The following PDLIM5 variants were observed in gnomAD, a reference collection of about 807,000 sequenced individuals.
The protein encoded by PDLIM5 is PDZ and LIM domain 5.
PDLIM5 carries 34 observed loss-of-function variants against 64.2 expected under a neutral mutation model. That is an observed-to-expected ratio of 0.53 (90% CI 0.40 to 0.71). The LOEUF (loss-of-function observed/expected upper bound fraction) is 0.71, where lower values mean the gene tolerates loss of function less well. Ranked by LOEUF, PDLIM5 falls within the 30% of genes least tolerant of loss-of-function variation. The probability of loss-of-function intolerance (pLI) is 0.00; values close to 1 mark genes in which losing one functional copy is unlikely to be tolerated. For synonymous variants in PDLIM5, 253 were observed against 269.1 expected (o/e 0.94, Z 0.59); for missense variants, 683 against 733.6 (o/e 0.93, Z 0.80).
intron 3 of PDLIM5, among the ~76,000 whole-genome samples, chr4:94,529,168 C>G (rs939192241): frequency 6.6e-6 from 1 of 152,106 alleles, no homozygotes; most frequent in Non-Finnish European, 1.5e-5. Flanking sequence ...GCTGGTTGGC[C>G]AGGGATCTAG....
intron 2 of PDLIM5, among the ~76,000 whole-genome samples, chr4:94,494,490 A>C (rs1727193994): frequency 8.5e-6 from 1 of 117,660 alleles, no homozygotes; most frequent in Admixed American, 1.3e-4. Context: ...CCCATGCTGG[A>C]GTGCAATGGT....
At chr4:94,565,708 G>A (rs951552823) in intron 3 of PDLIM5, among the ~76,000 whole-genome samples, 2 of 152,096 alleles carry the variant, frequency 1.3e-5, no homozygotes, top group Non-Finnish European at 2.9e-5. Context: ...TTTCCTGTTA[G>A]TATAGGGAAA....
intron 3 of PDLIM5, among the ~76,000 whole-genome samples, chr4:94,528,468 G>A (rs1397861003): frequency 2.0e-5 from 3 of 152,074 alleles, no homozygotes; most frequent in African/African-American, 7.2e-5. Context: ...TATATTAGTC[G>A]TGGTTCTCCA....
At chr4:94,589,206 A>G (rs1284422587) in intron 7 of PDLIM5, among the ~76,000 whole-genome samples, 1 of 152,228 alleles carries the variant, frequency 6.6e-6, no homozygotes, top group African/African-American at 2.4e-5. Flanking sequence ...TCCACCAAGA[A>G]TCCAATTTCT....
chr4:94,659,486 ATGTGTGTATGTGTGTGTG>A (rs1473779218), intron 11 of PDLIM5, among the ~76,000 whole-genome samples: 6 of 113,418 alleles, frequency 5.3e-5, no homozygotes, highest in Admixed American at 5.2e-4. Flanking sequence ...TGTAGTATAT[ATGTGTGTATGTGTGTGTG>A]TGTGTGTGTG....
At chr4:94,638,307 T>C (rs1017691185) in intron 8 of PDLIM5, among the ~76,000 whole-genome samples, 4 of 152,180 alleles carry the variant, frequency 2.6e-5, no homozygotes, top group African/African-American at 9.6e-5. Context: ...TTCCCATTTC[T>C]GTAAGAGAAA....
At chr4:94,546,380 T>G (rs2452579) in intron 3 of PDLIM5, among the ~76,000 whole-genome samples, 145,498 of 152,242 alleles carry the variant, frequency 0.96, 69,613 homozygotes, top group East Asian at 1. Flanking sequence ...GAATAGTTGC[T>G]CATTGGAAGT....
intron 3 of PDLIM5, among the ~76,000 whole-genome samples, chr4:94,557,369 G>A (rs1733438647): frequency 6.6e-6 from 1 of 152,170 alleles, no homozygotes; most frequent in Admixed American, 6.5e-5. Context: ...TTTTTGCTTA[G>A]GATTGACTTG....
intron 7 of PDLIM5, among the ~76,000 whole-genome samples, chr4:94,596,904 G>T (rs1167248029): frequency 6.6e-6 from 1 of 151,910 alleles, no homozygotes; most frequent in Non-Finnish European, 1.5e-5. Context: ...ATTCTCTTTT[G>T]TGTTTTTCTA....
In PDLIM5 at chr4:94,640,722, T is replaced by A. The variant is rs377340854; in HGVS notation, c.1283+272T>A. ...AGAACTAAGGAAAAAGTGATTAATG[T>A]GGCCTTTCAGAGAATAATAAAATTT... On this transcript the variant is annotated intron_variant, in intron 9 of 12. Coordinates refer to ENST00000317968, the MANE Select transcript of PDLIM5 (RefSeq NM_006457.5). Among the ~76,000 whole-genome samples the A allele has an allele frequency of 4.6e-5, 7 of 152,148 alleles. No homozygotes were observed. The East Asian group carries it at 7.7e-4, about 17-fold the overall frequency.
At chr4:94,570,639 G>A (rs1734725996) in intron 3 of PDLIM5, among the ~76,000 whole-genome samples, 1 of 152,214 alleles carries the variant, frequency 6.6e-6, no homozygotes, top group South Asian at 2.1e-4. Context: ...TAAAGTGTGA[G>A]GAAACTGTTT....
At chr4:94,647,281 T>TA (rs1365012263) in intron 9 of PDLIM5, among the ~76,000 whole-genome samples, 1 of 152,048 alleles carries the variant, frequency 6.6e-6, no homozygotes, top group Non-Finnish European at 1.5e-5. Context: ...AAGATACAAA[T>TA]ATGTTACAAG....
chr4:94,478,032 CG>C (rs1341631820), intron 2 of PDLIM5, among the ~76,000 whole-genome samples: 1 of 151,878 alleles, frequency 6.6e-6, no homozygotes, highest in African/African-American at 2.4e-5. Context: ...CCGAGGCGAG[CG>C]GATCATGAGG....
At chr4:94,663,953 C>T (rs767283722) in intron 12 of PDLIM5, 25 bp from the exon 13 acceptor site, 10 of 1,585,926 alleles carry the variant, frequency 6.3e-6, no homozygotes, top group Non-Finnish European at 8.6e-6. Context: ...TAAATAATAT[C>T]TCTTAAATGC....
chr4:94,625,896 A>G (rs1739655589), intron 8 of PDLIM5, among the ~76,000 whole-genome samples: 2 of 152,188 alleles, frequency 1.3e-5, no homozygotes, highest in South Asian at 4.1e-4. Flanking sequence ...TCTCTGTGAG[A>G]CAGTTTGGAT....
chr4:94,629,813 A>G (rs936594039), intron 8 of PDLIM5, among the ~76,000 whole-genome samples: 3 of 152,174 alleles, frequency 2.0e-5, no homozygotes, highest in African/African-American at 7.2e-5. Flanking sequence ...GCTTTTAATC[A>G]CTGATTTCAT....
intron 3 of PDLIM5, among the ~76,000 whole-genome samples, chr4:94,532,473 T>A (rs1183948775): frequency 6.6e-6 from 1 of 152,106 alleles, no homozygotes; most frequent in Non-Finnish European, 1.5e-5. Context: ...AGGTAACAAT[T>A]AGTCAGCTGC....
At chr4:94,479,816 G>A (rs758747139) in intron 2 of PDLIM5, among the ~76,000 whole-genome samples, 12 of 152,074 alleles carry the variant, frequency 7.9e-5, no homozygotes, top group Admixed American at 2.0e-4. Context: ...ATTTTATGGT[G>A]TTTGTCTTTG....
At chr4:94,520,429 A>G (rs956595740) in intron 2 of PDLIM5, among the ~76,000 whole-genome samples, 3 of 152,204 alleles carry the variant, frequency 2.0e-5, no homozygotes, top group Admixed American at 6.5e-5. Flanking sequence ...AACAAATGCA[A>G]GCTATTCAGA....
Sources: gnomAD v4.1 joint callset for allele counts (sites outside exome capture counted in the v4.1 genomes callset) on GRCh38, gnomAD v4.1.1 for gene constraint, MANE v1.5 for transcripts, NCBI Gene and HGNC (gene_info 2026-07-23, HGNC 2026-07-21) for gene names.